ADCYAP1R1: variants seen among roughly 807,000 people sequenced by gnomAD.
ADCYAP1R1 encodes the protein ADCYAP receptor type I.
Under a neutral mutation model 67.6 loss-of-function variants are expected in ADCYAP1R1, and 44 were observed. The ratio of observed to expected loss-of-function variants is 0.65; its 90% confidence interval spans 0.51 to 0.84. The LOEUF (loss-of-function observed/expected upper bound fraction) is 0.84, where lower values mean the gene tolerates loss of function less well. Among genes scored for constraint, ADCYAP1R1 ranks in the 40% least tolerant of loss-of-function variants. The pLI is 0.00. For missense variants in ADCYAP1R1, 477 were observed against 587.9 expected (o/e 0.81, Z 1.95); for synonymous variants, 222 against 219.6 (o/e 1.01, Z -0.10).
chr7:31,089,619 CAA>C (rs1795884222), intron 12 of ADCYAP1R1, among the ~76,000 whole-genome samples: 1 of 152,076 alleles, frequency 6.6e-6, no homozygotes, highest in Non-Finnish European at 1.5e-5. Context: ...GAATAAATCT[CAA>C]GAGTGGAATT....
intron 2 of ADCYAP1R1, among the ~76,000 whole-genome samples, chr7:31,063,885 C>T (rs899875654): frequency 6.6e-6 from 1 of 152,238 alleles, no homozygotes; most frequent in Non-Finnish European, 1.5e-5. Context: ...TGAGAACTGC[C>T]TGCACATCTG....
At chr7:31,067,679 CCAG>C (rs1417707656) in intron 3 of ADCYAP1R1, among the ~76,000 whole-genome samples, 1 of 152,156 alleles carries the variant, frequency 6.6e-6, no homozygotes, top group Non-Finnish European at 1.5e-5. Flanking sequence ...GCTGTGGGTC[CCAG>C]CACCCCCCCG....
At chr7:31,072,429 G>A (rs185225069) in intron 3 of ADCYAP1R1, among the ~76,000 whole-genome samples, 46 of 152,236 alleles carry the variant, frequency 3.0e-4, no homozygotes, top group Admixed American at 2.0e-3. Context: ...AACACTAACC[G>A]TCTTTTGCAG....
At chr7:31,073,858 G>A (rs1301699479) in intron 3 of ADCYAP1R1, among the ~76,000 whole-genome samples, 2 of 152,148 alleles carry the variant, frequency 1.3e-5, no homozygotes, top group Non-Finnish European at 1.5e-5. Context: ...GGGGTCCTGA[G>A]GTCTCATTCT....
chr7:31,083,002 T>A (rs895482064), intron 6 of ADCYAP1R1, among the ~76,000 whole-genome samples: 1 of 152,272 alleles, frequency 6.6e-6, no homozygotes, highest in African/African-American at 2.4e-5. Context: ...CCTGCTGCCC[T>A]CCTTGCCTCT....
At chr7:31,099,930 A>G (rs989050534) in intron 13 of ADCYAP1R1, among the ~76,000 whole-genome samples, 1 of 152,250 alleles carries the variant, frequency 6.6e-6, no homozygotes, top group African/African-American at 2.4e-5. Flanking sequence ...AGCCATGCAC[A>G]CTCATGTCCA....
intron 13 of ADCYAP1R1, chr7:31,095,821 G>A: frequency 1.4e-6 from 1 of 698,956 alleles, no homozygotes; most frequent in Non-Finnish European, 2.7e-6. Context: ...TCCTGGCCCA[G>A]CCTCAGAAGC....
rs1317714865 is a variant in ADCYAP1R1, at chr7:31,080,547, C to T, written c.266-66C>T. ...ATCAGCAAGACCCAAGGAGAGCAGC[C>T]CCTGACTTTTCTCACCCCGCTGCTC... On this transcript the variant is annotated intron_variant, in intron 4 of 15. Coordinates refer to ENST00000304166, the MANE Select transcript of ADCYAP1R1 (RefSeq NM_001118.5). 6.5e-6 allele frequency: 10 copies of T among 1,537,750 alleles called. No individual in the cohort carries two copies. In the Admixed American group the frequency reaches 1.4e-4, roughly 21 times the overall value.
rs372842053 is a variant in ADCYAP1R1 at position 31,097,602 on chromosome 7, G to A, written c.1046+4867G>A. ...GCCACACAACTTTACCAGGTGCAGG[G>A]TTTCCCAGTGAACTTGTCACTAAAT... On this transcript the variant is annotated intron_variant, in intron 13 of 15. Transcript: ENST00000304166. 1.0e-3 allele frequency among the ~76,000 whole-genome samples: 156 copies of A among 152,224 alleles called. 1 individual carries two copies. In the Middle Eastern group the frequency reaches 0.01, roughly 10 times the overall value.
intron 13 of ADCYAP1R1, among the ~76,000 whole-genome samples, chr7:31,096,849 C>CTGG (rs56044386): frequency 0.9 from 137,322 of 152,006 alleles, 62,332 homozygotes; most frequent in Non-Finnish European, 0.95. Flanking sequence ...TTCTGTGGAC[C>CTGG]GCCAAGTGGC....
At chr7:31,075,299 G>A (rs1048020170) in intron 3 of ADCYAP1R1, among the ~76,000 whole-genome samples, 13 of 152,180 alleles carry the variant, frequency 8.5e-5, no homozygotes, top group South Asian at 6.2e-4. Flanking sequence ...AGCTTTGCAC[G>A]TATGAACTCA....
Position 31,085,293 on chromosome 7 carries a change from CT to C in ADCYAP1R1, c.537-16del. 6.2e-7 allele frequency: 1 copy of C among 1,610,522 alleles called. No individual in the cohort carries two copies. Among genetic ancestry groups the C allele is most frequent in the Admixed American group, 1.7e-5 (1 of 59,834 alleles). On this transcript the variant is annotated splice_polypyrimidine_tract_variant and intron_variant, in intron 8 of 15. Coordinates refer to ENST00000304166, the MANE Select transcript of ADCYAP1R1 (RefSeq NM_001118.5). ...GTGGGGTCCAAGGCTTCTTTCTCCC[CT>C]GGCCCACTCATGTAGGAAGCTGCAC...
intron 3 of ADCYAP1R1, among the ~76,000 whole-genome samples, chr7:31,076,380 C>T (rs899983028): frequency 7.9e-5 from 12 of 152,168 alleles, no homozygotes; most frequent in South Asian, 2.1e-4. Flanking sequence ...TCAGGCAGTG[C>T]GGGGAACTCT....
At position 31,103,254 on chromosome 7, in the gene ADCYAP1R1, C is replaced by A; in HGVS notation, c.1064C>A (p.Thr355Asn). 1 of 1,614,132 alleles carries A rather than the reference C, an allele frequency of 6.2e-7. No homozygotes were observed. Among genetic ancestry groups the A allele is most frequent in the Non-Finnish European group, 8.5e-7 (1 of 1,179,988 alleles). Residue 355 changes from threonine (T) to asparagine (N), a missense_variant, in exon 14 of 16, where the codon ACC (threonine) becomes AAC (asparagine). Physicochemically the swap from Thr to Asn is moderately conservative, Grantham distance 65. Transcript: ENST00000304166. The stretch of plus-strand genomic sequence containing the variant: ...TCCGACAGGCGACTGGCCCGGTCCA[C>A]CCTGCTGCTCATCCCACTATTCGGA... ...SSIYLRLARSTLLLIPLFGIH... is the reference protein window; with the variant it reads ...SSIYLRLARSNLLLIPLFGIH...
rs186001951 is a variant in ADCYAP1R1 at position 31,104,937 on chromosome 7, G to A, written c.1218+28G>A. On this transcript the variant is annotated intron_variant, in intron 15 of 15. Transcript: ENST00000304166. ...AAGACCTTGGCCCTCTGGCTTCTTG[G>A]CAGTGGAAGTGGGGCTTTCTGGGGA... 290 of 1,613,520 alleles carry A rather than the reference G, an allele frequency of 1.8e-4. 1 individual carries two copies. In the African/African-American group the frequency reaches 3.2e-3, roughly 18 times the overall value.
chr7:31,078,154 G>A (rs1432260371), intron 4 of ADCYAP1R1, 56 bp downstream of exon 4: 13 of 1,456,436 alleles, frequency 8.9e-6, no homozygotes, highest in Admixed American at 4.2e-5. Context: ...CCCCAAATTC[G>A]GCCCCAGGCA....
At chr7:31,062,317 C>G (rs949462023) in intron 1 of ADCYAP1R1, among the ~76,000 whole-genome samples, 6 of 152,152 alleles carry the variant, frequency 3.9e-5, no homozygotes, top group Non-Finnish European at 7.3e-5. Context: ...CAGGCCTGCC[C>G]CCTTGGAGCT....
At chr7:31,082,675 G>A (rs1303836882) in intron 6 of ADCYAP1R1, among the ~76,000 whole-genome samples, 2 of 152,176 alleles carry the variant, frequency 1.3e-5, no homozygotes, top group Admixed American at 6.5e-5. Context: ...GAGGTTGCCT[G>A]AGACAGATTT....
intron 4 of ADCYAP1R1, among the ~76,000 whole-genome samples, chr7:31,080,062 A>G (rs1350360339): frequency 6.6e-6 from 1 of 152,242 alleles, no homozygotes; most frequent in African/African-American, 2.4e-5. Flanking sequence ...GTCAGATTCC[A>G]TGCCAGACTC....
Sources: allele counts gnomAD v4.1 joint callset (sites outside exome capture counted in the v4.1 genomes callset), GRCh38; gene constraint gnomAD v4.1.1; transcripts MANE v1.5; gene names NCBI Gene and HGNC (gene_info 2026-07-23, HGNC 2026-07-21).